THSD7B: variants seen among roughly 807,000 people sequenced by gnomAD.
THSD7B encodes the protein thrombospondin type 1 domain containing 7B.
Under a neutral mutation model 213.6 loss-of-function variants are expected in THSD7B, and 138 were observed. The ratio of observed to expected loss-of-function variants is 0.65; its 90% CI spans 0.56 to 0.74. The LOEUF (loss-of-function observed/expected upper bound fraction) is 0.74, where lower values mean the gene tolerates loss of function less well. Ranked by LOEUF, THSD7B falls within the 30% of genes least tolerant of loss-of-function variation. The pLI is 0.00. For synonymous variants in THSD7B, 742 were observed against 687.0 expected (o/e 1.08, Z -1.25); for missense variants, 1,931 against 1,991.5 (o/e 0.97, Z 0.58).
chr2:137,501,611 A>G (rs920104355), intron 15 of THSD7B, among the ~76,000 whole-genome samples: 12 of 152,150 alleles, frequency 7.9e-5, no homozygotes, highest in Non-Finnish European at 1.2e-4. Context: ...ACCTTACCTT[A>G]AAGTAGAATG....
At chr2:137,473,186 CATT>C (rs1688125326) in intron 15 of THSD7B, among the ~76,000 whole-genome samples, 1 of 150,308 alleles carries the variant, frequency 6.7e-6, no homozygotes, top group South Asian at 2.1e-4. Flanking sequence ...GTCTGCAAAA[CATT>C]ATTATTATTA....
chr2:137,650,822 A>G (rs1683124627), intron 21 of THSD7B, among the ~76,000 whole-genome samples: 1 of 152,204 alleles, frequency 6.6e-6, no homozygotes, highest in Admixed American at 6.5e-5. Context: ...AATGCTCTTC[A>G]GCATCTATTG....
chr2:137,576,077 C>T (rs1045262884), intron 17 of THSD7B, among the ~76,000 whole-genome samples: 14 of 152,050 alleles, frequency 9.2e-5, no homozygotes, highest in African/African-American at 3.4e-4. Flanking sequence ...TATCTTGGAA[C>T]ATTTGAAGTT....
chr2:137,178,903 C>T (rs577095607), intron 7 of THSD7B, among the ~76,000 whole-genome samples: 18 of 152,208 alleles, frequency 1.2e-4, no homozygotes, highest in Non-Finnish European at 1.8e-4. Flanking sequence ...CCCATCACTA[C>T]TCCACCAGTG....
chr2:137,526,655 C>T (rs1558827590), intron 15 of THSD7B, among the ~76,000 whole-genome samples: 1 of 152,142 alleles, frequency 6.6e-6, no homozygotes, highest in Non-Finnish European at 1.5e-5. Flanking sequence ...AAATCCTGAC[C>T]TCAGGTGATC....
rs773923946 is a variant in THSD7B, at chr2:137,498,936, A to T, written c.3138+47913A>T. On this transcript the variant is annotated intron_variant, in intron 15 of 27. Transcript: ENST00000409968. ...GAGGCAGGTTGCTCCCTTGCCATGGATATGGGCATTGTCACCAGGACTACT... is the reference window on the plus strand; with the variant it reads ...GAGGCAGGTTGCTCCCTTGCCATGGTTATGGGCATTGTCACCAGGACTACT... Among the ~76,000 whole-genome samples the T allele has an allele frequency of 2.6e-5, 4 of 152,240 alleles. No individual in the cohort carries two copies. The South Asian group carries it at 8.3e-4, about 32-fold the overall frequency.
chr2:137,569,531 T>G lies in THSD7B; in HGVS notation c.3273-2875T>G, dbSNP rs116837382. Among the ~76,000 whole-genome samples the G allele has an allele frequency of 6.6e-3, 1,006 of 152,302 alleles. 7 individuals carry two copies. Among genetic ancestry groups the G allele is most frequent in the African/African-American group, 0.023 (954 of 41,570 alleles). On this transcript the variant is annotated intron_variant, in intron 16 of 27. Coordinates refer to ENST00000409968, the MANE Select transcript of THSD7B (RefSeq NM_001316349.2). The stretch of plus-strand genomic sequence containing the variant: ...GGAGAGGATCTAAAGGTTTGGGTAC[T>G]TCTTATACTTTCAATAAATCCTTCA...
chr2:137,297,038 T>A (rs1683482370), intron 12 of THSD7B, among the ~76,000 whole-genome samples: 1 of 151,584 alleles, frequency 6.6e-6, no homozygotes, highest in South Asian at 2.1e-4. Context: ...TTATTATTTT[T>A]TAATACTTGG....
chr2:137,319,688 G>T (rs1164833394), intron 12 of THSD7B, among the ~76,000 whole-genome samples: 4 of 152,134 alleles, frequency 2.6e-5, no homozygotes, highest in African/African-American at 9.7e-5. Flanking sequence ...CAGACACTGT[G>T]GGTGGAGGTT....
intron 12 of THSD7B, among the ~76,000 whole-genome samples, chr2:137,330,151 A>G (rs1017886719): frequency 5.9e-5 from 9 of 152,182 alleles, no homozygotes; most frequent in African/African-American, 2.2e-4. Context: ...GGCTGTGTGG[A>G]AATGCCTAGA....
chr2:137,076,226 G>T (rs1036683793), intron 3 of THSD7B, among the ~76,000 whole-genome samples: 2 of 152,220 alleles, frequency 1.3e-5, no homozygotes, highest in African/African-American at 4.8e-5. Flanking sequence ...GAGCTGTGGT[G>T]GGCTCCACCC....
rs1427538844 is a variant in THSD7B at position 137,115,276 on chromosome 2, C to T, written c.1352C>T (p.Ala451Val). Residue 451 changes from alanine to valine, a missense_variant, in exon 5 of 28, where the codon GCA becomes GTA. Ala to Val is a moderately conservative substitution (Grantham distance 64). Transcript: ENST00000409968. ...GCCCAGAGCGTACCAGCAGCTGCCG[C>T]ACTGAGGGCCAAGGAAGGTAGGCAG... ...YCAQSVPAAA[A>V]LRAKEVSRPV... The T allele has an allele frequency of 2.5e-6, 4 of 1,577,632 alleles. No homozygotes were observed. Among genetic ancestry groups the T allele is most frequent in the South Asian group, 2.3e-5 (2 of 85,250 alleles).
chr2:137,200,310 T>A (rs1180428753), intron 7 of THSD7B, among the ~76,000 whole-genome samples: 1 of 152,162 alleles, frequency 6.6e-6, no homozygotes, highest in Admixed American at 6.5e-5. Context: ...TCAGTTTAGA[T>A]TTAAATCTCC....
At chr2:136,822,383 A>C (rs1257914193) in intron 1 of THSD7B, among the ~76,000 whole-genome samples, 1 of 152,064 alleles carries the variant, frequency 6.6e-6, no homozygotes, top group Non-Finnish European at 1.5e-5. Flanking sequence ...ATTGAGACTG[A>C]CTCCTGCTGC....
At position 137,353,507 on chromosome 2, in the gene THSD7B, A is replaced by G. The variant is rs77091498; in HGVS notation, c.2501-52106A>G. Reference sequence around the variant, plus strand: ...TGTCTCTAAAGCAGGAGTGGACTCTATGATATCCTGGACATGGCATGGATT... The same window carrying G: ...TGTCTCTAAAGCAGGAGTGGACTCTGTGATATCCTGGACATGGCATGGATT... On this transcript the variant is annotated intron_variant, in intron 12 of 27. Transcript: ENST00000409968. Among the ~76,000 whole-genome samples the G allele has an allele frequency of 4.9e-3, 744 of 152,160 alleles. 3 individuals carry two copies. Among genetic ancestry groups the G allele is most frequent in the African/African-American group, 0.015 (638 of 41,526 alleles).
chr2:137,361,560 C>T (rs185389151), intron 12 of THSD7B, among the ~76,000 whole-genome samples: 221 of 152,188 alleles, frequency 1.5e-3, no homozygotes, highest in African/African-American at 5.0e-3. Context: ...AGCTGAAAAC[C>T]GTGGCACGAG....
intron 2 of THSD7B, among the ~76,000 whole-genome samples, chr2:137,035,302 G>C (rs1473693252): frequency 6.6e-6 from 1 of 152,098 alleles, no homozygotes; most frequent in Non-Finnish European, 1.5e-5. Context: ...ATCTGTTAGG[G>C]ACGTATGTAA....
intron 10 of THSD7B, among the ~76,000 whole-genome samples, chr2:137,253,065 T>C (rs988921791): frequency 6.6e-6 from 1 of 151,984 alleles, no homozygotes; most frequent in African/African-American, 2.4e-5. Context: ...ACTGGGAGAA[T>C]GAGGTACTCA....
chr2:137,285,597 T>A (rs1683152959), intron 12 of THSD7B, among the ~76,000 whole-genome samples: 1 of 149,544 alleles, frequency 6.7e-6, no homozygotes, highest in African/African-American at 2.5e-5. Context: ...TTTTTTTTTT[T>A]AGAAAAGATG....
Sources: gnomAD v4.1 joint callset for allele counts (sites outside exome capture counted in the v4.1 genomes callset) on GRCh38, gnomAD v4.1.1 for gene constraint, MANE v1.5 for transcripts, NCBI Gene and HGNC (gene_info 2026-07-23, HGNC 2026-07-21) for gene names.